The following UBE2G1 variants were observed in gnomAD, a reference collection of about 807,000 sequenced individuals.
The protein encoded by UBE2G1 is ubiquitin conjugating enzyme E2 G1, also known as ubiquitin-conjugating enzyme E2 G1.
UBE2G1 carries 5 observed loss-of-function variants against 22.7 expected under a neutral mutation model. The ratio of observed to expected loss-of-function variants is 0.22; its 90% CI spans 0.12 to 0.46. The LOEUF (loss-of-function observed/expected upper bound fraction) is 0.46, where lower values mean the gene tolerates loss of function less well. UBE2G1 is among the 20% of genes least tolerant of loss of function. The pLI, the probability that UBE2G1 is intolerant of heterozygous loss-of-function variation, is 0.99. For synonymous variants in UBE2G1, 74 were observed against 67.5 expected (o/e 1.10, Z -0.47); for missense variants, 88 against 203.9 (o/e 0.43, Z 3.46).
At chr17:4,294,307 T>C (rs1241394180) in intron 3 of UBE2G1, among the ~76,000 whole-genome samples, 1 of 151,264 alleles carries the variant, frequency 6.6e-6, no homozygotes, top group African/African-American at 2.4e-5. Flanking sequence ...TCCCAGCTAC[T>C]CAGGAGGCTG....
intron 1 of UBE2G1, among the ~76,000 whole-genome samples, chr17:4,332,411 G>A (rs2143780107): frequency 6.6e-6 from 1 of 152,248 alleles, no homozygotes; most frequent in Admixed American, 6.5e-5. Flanking sequence ...TGCATGTGCT[G>A]GGGTACTATG....
At position 4,306,826 on chromosome 17, in the gene UBE2G1, A is replaced by AT. The variant is rs1969253854; in HGVS notation, c.149+194dup. Among the ~76,000 whole-genome samples the AT allele has an allele frequency of 1.3e-5, 2 of 151,888 alleles. 1 individual carries two copies. Among genetic ancestry groups the AT allele is most frequent in the African/African-American group, 4.8e-5 (2 of 41,352 alleles). ...GCCACCACACCCAGCTAATTTTTGT[A>AT]TTTTTAGTAGAGATGGGGTTTCACT... On this transcript the variant is annotated intron_variant, in intron 2 of 5. Transcript: ENST00000396981.
intron 4 of UBE2G1, among the ~76,000 whole-genome samples, chr17:4,286,848 C>T (rs1311591768): frequency 6.6e-6 from 1 of 152,056 alleles, no homozygotes; most frequent in Middle Eastern, 3.2e-3. Context: ...TTGAGACCAG[C>T]CTGGCCAACA....
At chr17:4,338,692 C>T (rs755548352) in intron 1 of UBE2G1, among the ~76,000 whole-genome samples, 1 of 152,190 alleles carries the variant, frequency 6.6e-6, no homozygotes, top group Non-Finnish European at 1.5e-5. Flanking sequence ...TCTAGCTAGG[C>T]AGTATGCATG....
intron 1 of UBE2G1, among the ~76,000 whole-genome samples, chr17:4,314,869 G>C (rs536369807): frequency 5.3e-5 from 8 of 152,290 alleles, no homozygotes; most frequent in African/African-American, 1.9e-4. Flanking sequence ...TACTCTGCAG[G>C]ATATTCTAAA....
chr17:4,313,593 A>AC (rs1318064459), intron 1 of UBE2G1, among the ~76,000 whole-genome samples: 2 of 152,222 alleles, frequency 1.3e-5, no homozygotes, highest in East Asian at 3.8e-4. Context: ...GGCAAAACTA[A>AC]CCAACAGTAT....
intron 1 of UBE2G1, among the ~76,000 whole-genome samples, chr17:4,344,402 T>C (rs1353667148): frequency 1.3e-5 from 2 of 151,706 alleles, no homozygotes; most frequent in Non-Finnish European, 1.5e-5. Flanking sequence ...TAGCTGGGTG[T>C]GGTGATGGGG....
At chr17:4,361,305 T>C (rs1433648195) in intron 1 of UBE2G1, among the ~76,000 whole-genome samples, 6 of 151,446 alleles carry the variant, frequency 4.0e-5, no homozygotes, top group Non-Finnish European at 7.4e-5. Flanking sequence ...GGTGGGCAGA[T>C]CACTTGAGGT....
At chr17:4,277,051 C>G (rs776028393) in intron 5 of UBE2G1, among the ~76,000 whole-genome samples, 1 of 152,220 alleles carries the variant, frequency 6.6e-6, no homozygotes, top group Non-Finnish European at 1.5e-5. Flanking sequence ...TTGGGAATGA[C>G]TGCCTCCCTC....
intron 1 of UBE2G1, among the ~76,000 whole-genome samples, chr17:4,319,906 G>A (rs1969418734): frequency 6.6e-6 from 1 of 152,026 alleles, no homozygotes; most frequent in Admixed American, 6.6e-5. Flanking sequence ...GACCAGTGTA[G>A]TTACCAACCC....
intron 1 of UBE2G1, among the ~76,000 whole-genome samples, chr17:4,349,776 G>C (rs1330637086): frequency 6.6e-6 from 1 of 151,372 alleles, no homozygotes; most frequent in African/African-American, 2.4e-5. Context: ...CCGGGAGGCG[G>C]AGCTTGCAGT....
chr17:4,330,796 G>A (rs891464684), intron 1 of UBE2G1, among the ~76,000 whole-genome samples: 3 of 151,700 alleles, frequency 2.0e-5, no homozygotes, highest in African/African-American at 7.3e-5. Flanking sequence ...GTTTCACCAT[G>A]TTGGCCAGGC....
chr17:4,285,650 A>C (rs2143690221), intron 4 of UBE2G1, among the ~76,000 whole-genome samples: 1 of 152,300 alleles, frequency 6.6e-6, no homozygotes, highest in South Asian at 2.1e-4. Flanking sequence ...GAGAGAGTCA[A>C]TCAAATCTGG....
At chr17:4,311,472 GA>G (rs1472024289) in intron 1 of UBE2G1, among the ~76,000 whole-genome samples, 3 of 152,174 alleles carry the variant, frequency 2.0e-5, no homozygotes, top group African/African-American at 7.2e-5. Context: ...TTCAGCCACA[GA>G]AAGAAATGAA....
chr17:4,295,262 C>T (rs959705049), intron 3 of UBE2G1, among the ~76,000 whole-genome samples: 13 of 152,210 alleles, frequency 8.5e-5, no homozygotes, highest in Admixed American at 6.5e-4. Flanking sequence ...TGCAGGAATA[C>T]GGTTAATGCA....
chr17:4,302,000 T>C (rs1203308405), intron 2 of UBE2G1: 8 of 495,372 alleles, frequency 1.6e-5, no homozygotes, highest in Admixed American at 1.1e-4. Context: ...CTTACTTAGA[T>C]GCGAGAGCAG....
chr17:4,289,838 T>A (rs1242710490), intron 3 of UBE2G1, among the ~76,000 whole-genome samples: 1 of 152,222 alleles, frequency 6.6e-6, no homozygotes, highest in African/African-American at 2.4e-5. Flanking sequence ...CCGACTTAAA[T>A]TGGTAATAGT....
intron 1 of UBE2G1, among the ~76,000 whole-genome samples, chr17:4,345,062 A>G (rs1178690656): frequency 6.6e-6 from 1 of 152,222 alleles, no homozygotes; most frequent in Non-Finnish European, 1.5e-5. Flanking sequence ...TTCAGAACTA[A>G]AAGTCTGATA....
At chr17:4,346,349 T>TAA (rs1465580689) in intron 1 of UBE2G1, among the ~76,000 whole-genome samples, 2 of 152,014 alleles carry the variant, frequency 1.3e-5, no homozygotes, top group Non-Finnish European at 2.9e-5. Flanking sequence ...ATGTATTAGA[T>TAA]AGCTAATACA....
Sources: allele counts gnomAD v4.1 joint callset (sites outside exome capture counted in the v4.1 genomes callset), GRCh38; gene constraint gnomAD v4.1.1; transcripts MANE v1.5; gene names NCBI Gene and HGNC (gene_info 2026-07-23, HGNC 2026-07-21).